The following MDGA2 variants were observed in gnomAD, a reference collection of about 807,000 sequenced individuals.
MDGA2 encodes the protein MAM domain containing glycosylphosphatidylinositol anchor 2, also known as MAM domain-containing glycosylphosphatidylinositol anchor protein 2.
MDGA2 carries 40 observed loss-of-function variants against 117.8 expected under a neutral mutation model. The ratio of observed to expected loss-of-function variants is 0.34; its 90% CI spans 0.26 to 0.44. MDGA2 has a LOEUF of 0.44. Among genes scored for constraint, MDGA2 ranks in the 20% least tolerant of loss-of-function variants. The pLI is 1.00. For missense variants in MDGA2, 1,123 were observed against 1,250.6 expected (o/e 0.90, Z 1.54); for synonymous variants, 452 against 439.0 (o/e 1.03, Z -0.37).
intron 14 of MDGA2, chr14:46,872,109 G>C (rs1469298728): frequency 6.5e-6 from 1 of 153,030 alleles, no homozygotes; most frequent in Non-Finnish European, 1.5e-5. Flanking sequence ...CCATTTACTT[G>C]GCAGTTCACA....
intron 13 of MDGA2, 100 bp from the exon 14 acceptor site, chr14:46,873,691 T>C (rs1882105969): frequency 2.8e-6 from 3 of 1,090,740 alleles, no homozygotes; most frequent in Non-Finnish European, 3.8e-6. Context: ...AAAATAAAGA[T>C]GGATAGGAAG....
chr14:47,625,396 TAA>T (rs1208434701), intron 1 of MDGA2, among the ~76,000 whole-genome samples: 4 of 152,186 alleles, frequency 2.6e-5, no homozygotes, highest in African/African-American at 9.6e-5. Context: ...AGTCTCCTAT[TAA>T]AACTTATATT....
chr14:47,096,816 T>C (rs1216176972), intron 6 of MDGA2, 38 bp downstream of exon 6: 1 of 1,602,100 alleles, frequency 6.2e-7, no homozygotes, highest in African/African-American at 1.3e-5. Context: ...GAGCCTAACC[T>C]AGGAATCTAC....
chr14:46,973,539 G>A (rs960055920), intron 8 of MDGA2, among the ~76,000 whole-genome samples: 18 of 151,998 alleles, frequency 1.2e-4, no homozygotes, highest in African/African-American at 4.3e-4. Flanking sequence ...CTGTATGGAA[G>A]GCAAAACTGT....
chr14:47,035,400 G>A (rs745678080), intron 7 of MDGA2, 96 bp from the exon 8 acceptor site: 22 of 942,196 alleles, frequency 2.3e-5, no homozygotes, highest in Non-Finnish European at 3.2e-5. Flanking sequence ...TCTGCTGGCT[G>A]AAGAAATGTG....
intron 1 of MDGA2, among the ~76,000 whole-genome samples, chr14:47,548,578 T>C (rs1266045264): frequency 6.6e-6 from 1 of 152,168 alleles, no homozygotes; most frequent in Non-Finnish European, 1.5e-5. Flanking sequence ...AACCAGTAAG[T>C]TTCTTAGCTT....
intron 8 of MDGA2, among the ~76,000 whole-genome samples, chr14:46,990,438 T>C (rs975628394): frequency 1.3e-5 from 2 of 151,990 alleles, no homozygotes; most frequent in African/African-American, 2.4e-5. Context: ...CAGTTTCTAT[T>C]CTCCTCTTGA....
intron 1 of MDGA2, among the ~76,000 whole-genome samples, chr14:47,329,103 C>T (rs952919329): frequency 2.0e-5 from 3 of 151,860 alleles, no homozygotes. Flanking sequence ...CAAATATATA[C>T]ATATATATAG....
intron 1 of MDGA2, among the ~76,000 whole-genome samples, chr14:47,622,308 T>C (rs1897063872): frequency 6.6e-6 from 1 of 152,172 alleles, no homozygotes; most frequent in African/African-American, 2.4e-5. Context: ...CACTTAACTA[T>C]GAGTCAGACA....
intron 1 of MDGA2, among the ~76,000 whole-genome samples, chr14:47,317,680 T>C (rs75677893): frequency 0.021 from 3,249 of 152,180 alleles, 93 homozygotes; most frequent in East Asian, 0.14. Context: ...TTTGGTTGTA[T>C]AGGGAAAAGA....
intron 1 of MDGA2, among the ~76,000 whole-genome samples, chr14:47,601,589 T>C (rs947620801): frequency 2.6e-5 from 4 of 152,196 alleles, no homozygotes; most frequent in African/African-American, 9.6e-5. Flanking sequence ...TGAAATGAAA[T>C]GGTTTTATTT....
rs1181632788 is a variant in MDGA2, at chr14:47,351,929, ACACACAC to A, written c.281-50386_281-50380del. On this transcript the variant is annotated intron_variant, in intron 1 of 16. Transcript: ENST00000399232. ...CACACACACACACACACACACACAC[ACACACAC>A]ACAAACATATATATATACACATATG... 2.0e-4 allele frequency among the ~76,000 whole-genome samples: 31 copies of A among 151,718 alleles called. No individual in the cohort carries two copies. The South Asian group carries it at 5.0e-3, about 24-fold the overall frequency.
intron 1 of MDGA2, among the ~76,000 whole-genome samples, chr14:47,673,562 ATTTTT>A (rs1367788806): frequency 2.0e-5 from 3 of 151,278 alleles, no homozygotes; most frequent in Admixed American, 2.0e-4. Flanking sequence ...CACAGAAGTT[ATTTTT>A]TGGGCACCAC....
chr14:46,866,220 C>A (rs1881753313), intron 14 of MDGA2, among the ~76,000 whole-genome samples: 1 of 151,948 alleles, frequency 6.6e-6, no homozygotes, highest in Non-Finnish European at 1.5e-5. Flanking sequence ...CAGAACAGAG[C>A]CCTCAGAAAT....
chr14:47,357,891 C>T (rs913423723), intron 1 of MDGA2, among the ~76,000 whole-genome samples: 1 of 152,158 alleles, frequency 6.6e-6, no homozygotes, highest in African/African-American at 2.4e-5. Context: ...TGCCCCTGGT[C>T]TACATGAAGT....
At chr14:47,289,437 C>A (rs1462064836) in intron 2 of MDGA2, among the ~76,000 whole-genome samples, 1 of 151,090 alleles carries the variant, frequency 6.6e-6, no homozygotes, top group Non-Finnish European at 1.5e-5. Context: ...TCTCTTCAGG[C>A]TATGCTGAAG....
intron 3 of MDGA2, among the ~76,000 whole-genome samples, chr14:47,162,336 C>G (rs1883678423): frequency 6.6e-6 from 1 of 151,994 alleles, no homozygotes; most frequent in African/African-American, 2.4e-5. Context: ...TAAAGGAATC[C>G]TCACTGGATT....
intron 2 of MDGA2, among the ~76,000 whole-genome samples, chr14:47,254,490 C>G (rs1887553029): frequency 6.6e-6 from 1 of 152,174 alleles, no homozygotes; most frequent in Non-Finnish European, 1.5e-5. Flanking sequence ...ACAAGTTCCT[C>G]ATCTTCATCT....
chr14:47,301,505 A>G lies in MDGA2; in HGVS notation c.326T>C (p.Ile109Thr). The G allele has an allele frequency of 2.6e-6, 4 of 1,551,670 alleles. No individual in the cohort carries two copies. Among genetic ancestry groups the G allele is most frequent in the African/African-American group, 1.4e-5 (1 of 73,162 alleles). The change falls in exon 2 of 17, where the codon ATT (isoleucine) becomes ACT (threonine). Residue 109 changes from isoleucine (I) to threonine (T), a missense_variant. Coordinates refer to ENST00000399232, the MANE Select transcript of MDGA2 (RefSeq NM_001113498.3). Reference protein sequence around the residue: ...RIVHSGLACNIEEERYSERVY... With the variant: ...RIVHSGLACNTEEERYSERVY... ...CCTTTCGGAGTAGCGCTCCTCTTCA[A>G]TGTTACAGGCCAAGCCTGAGTGCAC...
Sources: gnomAD v4.1 joint callset for allele counts (sites outside exome capture counted in the v4.1 genomes callset) on GRCh38, gnomAD v4.1.1 for gene constraint, MANE v1.5 for transcripts, NCBI Gene and HGNC (gene_info 2026-07-23, HGNC 2026-07-21) for gene names.